Variants in RPS6KC1 observed in about 807,000 individuals in gnomAD.
The protein encoded by RPS6KC1 is inactive ribosomal protein S6 kinase delta-1.
RPS6KC1 carries 54 observed loss-of-function variants against 103.8 expected under a neutral mutation model. The observed-to-expected ratio is 0.52, with a 90% CI of 0.42 to 0.65. The LOEUF (loss-of-function observed/expected upper bound fraction) is 0.65, where lower values mean the gene tolerates loss of function less well. RPS6KC1 is among the 30% of genes least tolerant of loss of function. The pLI is 0.00. For synonymous variants in RPS6KC1, 439 were observed against 438.7 expected, an observed-to-expected ratio of 1.00 and a Z score of -0.01; for missense variants, 1,151 against 1,253.8, an observed-to-expected ratio of 0.92 and a Z score of 1.24.
chr1:213,213,722 T>C (rs1218092259), intron 8 of RPS6KC1, among the ~76,000 whole-genome samples: 1 of 152,218 alleles, frequency 6.6e-6, no homozygotes, highest in Non-Finnish European at 1.5e-5. Context: ...TTTGAGTAAA[T>C]TTTATTTGTA....
chr1:213,666,508 T>C, the RPS6KC1 span, among the ~76,000 whole-genome samples: 1 of 152,220 alleles, frequency 6.6e-6, no homozygotes, highest in Non-Finnish European at 1.5e-5. Context: ...GGACAAAGGA[T>C]GGACATATTT....
At chr1:213,313,465 C>A in the RPS6KC1 span, among the ~76,000 whole-genome samples, 4 of 152,150 alleles carry the variant, frequency 2.6e-5, no homozygotes, top group African/African-American at 9.7e-5. Flanking sequence ...TCTCTCAAGC[C>A]CTGCATTTTC....
At position 213,051,419 on chromosome 1, in the gene RPS6KC1, G is replaced by A; in HGVS notation, c.15G>A (p.Arg5=). The change falls in exon 1 of 15, where the codon CGG becomes CGA. Residue 5 remains arginine, a synonymous_variant. Coordinates refer to ENST00000366960, the MANE Select transcript of RPS6KC1 (RefSeq NM_012424.6). MTSY[R]ERSADLARFY... ...GCGGCGGGAGGATGACCTCTTACCG[G>A]GAGCGGAGTGCCGACCTGGCCCGTT... 1.2e-6 allele frequency: 2 copies of A among 1,613,032 alleles called. No individual in the cohort carries two copies. The highest frequency in any genetic ancestry group is 2.7e-5 in the African/African-American group (2 of 75,010).
chr1:213,182,544 A>G (rs954452891), intron 8 of RPS6KC1, among the ~76,000 whole-genome samples: 1 of 152,006 alleles, frequency 6.6e-6, no homozygotes, highest in African/African-American at 2.4e-5. Flanking sequence ...AAAAATGTTC[A>G]AATAACCCAC....
chr1:213,850,431 A>G, the RPS6KC1 span, among the ~76,000 whole-genome samples: 1 of 152,204 alleles, frequency 6.6e-6, no homozygotes, highest in Non-Finnish European at 1.5e-5. Context: ...CCTGCCGCTT[A>G]GGACTCAGCT....
At chr1:213,725,496 G>A in the RPS6KC1 span, among the ~76,000 whole-genome samples, 5 of 152,150 alleles carry the variant, frequency 3.3e-5, no homozygotes, top group African/African-American at 4.8e-5. Context: ...GGCTCTCTTC[G>A]GGGACTCTTG....
chr1:213,154,516 C>G (rs919760405), intron 6 of RPS6KC1, among the ~76,000 whole-genome samples: 4 of 152,210 alleles, frequency 2.6e-5, no homozygotes, highest in African/African-American at 9.7e-5. Flanking sequence ...GGCAGACAAG[C>G]CTTACCCCAT....
the RPS6KC1 span, among the ~76,000 whole-genome samples, chr1:213,466,699 A>G: frequency 6.6e-6 from 1 of 152,192 alleles, no homozygotes; most frequent in Non-Finnish European, 1.5e-5. Context: ...TGTCACTCTT[A>G]ATGTATCTTT....
chr1:213,258,722 A>T (rs905255318), intron 12 of RPS6KC1, among the ~76,000 whole-genome samples: 1 of 152,224 alleles, frequency 6.6e-6, no homozygotes, highest in African/African-American at 2.4e-5. Flanking sequence ...CTGGAAGGAA[A>T]TGTACAAAAG....
the RPS6KC1 span, among the ~76,000 whole-genome samples, chr1:213,551,656 C>T: frequency 6.6e-6 from 1 of 152,220 alleles, no homozygotes; most frequent in Non-Finnish European, 1.5e-5. Flanking sequence ...TATCAACATC[C>T]AGCACCTAAG....
At position 213,093,664 on chromosome 1, in the gene RPS6KC1, A is replaced by G. The variant is rs369382935; in HGVS notation, c.263-10790A>G. 1.9e-4 allele frequency among the ~76,000 whole-genome samples: 29 copies of G among 152,254 alleles called. 1 individual carries two copies. In the East Asian group the frequency reaches 5.2e-3, roughly 27 times the overall value. On this transcript the variant is annotated intron_variant, in intron 3 of 14. Transcript: ENST00000366960. ...ATTTTTTGCAGTCAGATAGATTTAG[A>G]CCCGTATCTTCTGTTAACTATTTAC...
chr1:213,500,796 A>G, the RPS6KC1 span, among the ~76,000 whole-genome samples: 1 of 152,234 alleles, frequency 6.6e-6, no homozygotes, highest in Admixed American at 6.5e-5. Flanking sequence ...ATCTAAACAT[A>G]TGAACAATAA....
At chr1:213,719,782 G>T in the RPS6KC1 span, among the ~76,000 whole-genome samples, 1 of 152,152 alleles carries the variant, frequency 6.6e-6, no homozygotes, top group African/African-American at 2.4e-5. Flanking sequence ...CATACAGTAC[G>T]TGGAAGGTGG....
At chr1:213,701,849 A>C in the RPS6KC1 span, among the ~76,000 whole-genome samples, 3 of 151,640 alleles carry the variant, frequency 2.0e-5, no homozygotes, top group African/African-American at 7.3e-5. Context: ...ATTTTATTCA[A>C]CTTTTCAAAA....
chr1:213,565,204 A>C, the RPS6KC1 span, among the ~76,000 whole-genome samples: 1 of 148,078 alleles, frequency 6.8e-6, no homozygotes, highest in African/African-American at 2.6e-5. Flanking sequence ...ATTTGGAGAA[A>C]GGGATCAGTC....
Position 213,216,458 on chromosome 1 carries a change from T to C in RPS6KC1, c.1045-14039T>C, listed in dbSNP as rs1431911530. On this transcript the variant is annotated intron_variant, in intron 8 of 14. Transcript: ENST00000366960. ...CACCGCACTGTCAACATTAGACAGA[T>C]CAACAAGACAGAAAGTTAACAAGGA... Among the ~76,000 whole-genome samples, 7 of 152,148 alleles carry C rather than the reference T, an allele frequency of 4.6e-5. No individual in the cohort carries two copies. In the East Asian group the frequency reaches 1.3e-3, roughly 29 times the overall value.
chr1:213,713,612 T>C, the RPS6KC1 span, among the ~76,000 whole-genome samples: 2 of 152,196 alleles, frequency 1.3e-5, no homozygotes, highest in African/African-American at 4.8e-5. Context: ...GGGTAGGGTA[T>C]GTAAATGTAT....
At chr1:213,107,883 A>G (rs963001175) in intron 4 of RPS6KC1, among the ~76,000 whole-genome samples, 1 of 152,336 alleles carries the variant, frequency 6.6e-6, no homozygotes, top group Non-Finnish European at 1.5e-5. Context: ...CCTAATGGCT[A>G]ATGATGTTGA....
chr1:213,255,165 AGTGTGGTCCCATGCCT>A (rs1428498483), intron 12 of RPS6KC1, among the ~76,000 whole-genome samples: 2 of 151,814 alleles, frequency 1.3e-5, no homozygotes, highest in African/African-American at 4.8e-5. Context: ...AAATTAGCCA[AGTGTGGTCCCATGCCT>A]GTGGTCCTGG....
Sources: allele counts gnomAD v4.1 joint callset (sites outside exome capture counted in the v4.1 genomes callset), GRCh38; gene constraint gnomAD v4.1.1; transcripts MANE v1.5; gene names NCBI Gene and HGNC (gene_info 2026-07-23, HGNC 2026-07-21).